The following DENND1A variants were observed in gnomAD, a reference collection of about 807,000 sequenced individuals.
The protein encoded by DENND1A is DENN domain containing 1A.
In DENND1A, 51 loss-of-function variants were observed where a neutral mutation model predicts 113.7. The ratio of observed to expected loss-of-function variants is 0.45; its 90% CI spans 0.36 to 0.57. The LOEUF is 0.57. DENND1A is among the 20% of genes least tolerant of loss of function. The pLI, the probability that DENND1A is intolerant of heterozygous loss-of-function variation, is 0.00. For missense variants in DENND1A, 1,258 were observed against 1,395.9 expected, an observed-to-expected ratio of 0.90 and a Z score of 1.57; for synonymous variants, 565 against 570.8, an observed-to-expected ratio of 0.99 and a Z score of 0.14.
chr9:123,509,459 A>G (rs531386810), intron 13 of DENND1A, among the ~76,000 whole-genome samples: 3 of 152,344 alleles, frequency 2.0e-5, no homozygotes, highest in African/African-American at 7.2e-5. Flanking sequence ...ATTAGGGGTC[A>G]CGTAGCATAG....
intron 12 of DENND1A, among the ~76,000 whole-genome samples, chr9:123,570,990 G>T (rs1467802984): frequency 6.6e-6 from 1 of 152,126 alleles, no homozygotes; most frequent in East Asian, 1.9e-4. Flanking sequence ...CATAGCTAGG[G>T]AACAATGCAA....
At chr9:123,785,045 C>T (rs1046319249) in intron 3 of DENND1A, among the ~76,000 whole-genome samples, 2 of 152,080 alleles carry the variant, frequency 1.3e-5, no homozygotes, top group Non-Finnish European at 2.9e-5. Flanking sequence ...TGAATAGTAC[C>T]TCTTATATAC....
chr9:123,636,175 T>C (rs946118334), intron 9 of DENND1A, among the ~76,000 whole-genome samples: 2 of 152,074 alleles, frequency 1.3e-5, no homozygotes, highest in African/African-American at 4.8e-5. Flanking sequence ...GGTCACCCCA[T>C]CTCCATCACC....
intron 10 of DENND1A, among the ~76,000 whole-genome samples, chr9:123,618,087 T>G (rs975586162): frequency 6.6e-6 from 1 of 152,194 alleles, no homozygotes; most frequent in Non-Finnish European, 1.5e-5. Context: ...GAACCCGCAC[T>G]TGCTGAGAGG....
At chr9:123,824,096 G>A (rs1040013556) in intron 2 of DENND1A, among the ~76,000 whole-genome samples, 1 of 152,002 alleles carries the variant, frequency 6.6e-6, no homozygotes, top group African/African-American at 2.4e-5. Context: ...GAATTATCAA[G>A]GTGATAATTC....
At chr9:123,576,121 T>G (rs967354993) in intron 12 of DENND1A, among the ~76,000 whole-genome samples, 9 of 152,228 alleles carry the variant, frequency 5.9e-5, no homozygotes, top group Non-Finnish European at 1.0e-4. Context: ...TTAGTGGCCC[T>G]TGTAAGGTTT....
chr9:123,454,533 T>A (rs1434077414), intron 16 of DENND1A, among the ~76,000 whole-genome samples: 1 of 152,198 alleles, frequency 6.6e-6, no homozygotes, highest in Non-Finnish European at 1.5e-5. Context: ...CTCATGCCTT[T>A]TTCAGCCCCC....
At chr9:123,769,949 G>A (rs775639211) in intron 3 of DENND1A, among the ~76,000 whole-genome samples, 2 of 152,074 alleles carry the variant, frequency 1.3e-5, no homozygotes, top group African/African-American at 2.4e-5. Flanking sequence ...GCTGTTGCTG[G>A]CACCGTTTTT....
chr9:123,783,427 C>G (rs1831617481), intron 3 of DENND1A, among the ~76,000 whole-genome samples: 1 of 152,134 alleles, frequency 6.6e-6, no homozygotes, highest in Admixed American at 6.5e-5. Context: ...ACCCTAACAC[C>G]TGACAAAGGC....
intron 19 of DENND1A, among the ~76,000 whole-genome samples, chr9:123,417,311 T>G (rs1470941555): frequency 6.6e-6 from 1 of 152,240 alleles, no homozygotes; most frequent in African/African-American, 2.4e-5. Context: ...ATCAGCAAGG[T>G]TCTGTTGAAG....
chr9:123,866,642 T>C (rs7043431), intron 2 of DENND1A, among the ~76,000 whole-genome samples: 12,764 of 152,306 alleles, frequency 0.084, 1,127 homozygotes, highest in African/African-American at 0.22. Context: ...AGGGTTTTTA[T>C]GTTTTTAATT....
Position 123,757,677 on chromosome 9 carries a change from C to G in DENND1A, c.302+26G>C, listed in dbSNP as rs10986101. 1,245 of 1,608,790 alleles carry G rather than the reference C, an allele frequency of 7.7e-4. 7 individuals are homozygous for G. In the African/African-American group the frequency reaches 0.015, roughly 19 times the overall value. On this transcript the variant is annotated intron_variant, in intron 5 of 23. Transcript: ENST00000394215. ...AGCTGACATTGCTTCAGAGAACAAG[C>G]CAACAGCCCAAGCCTTCTCCCTTAC...
intron 21 of DENND1A, chr9:123,401,696 G>C: frequency 1.3e-6 from 2 of 1,539,506 alleles, no homozygotes; most frequent in Non-Finnish European, 1.8e-6. Flanking sequence ...AACTAAAAGT[G>C]ATACTGACAC....
At chr9:123,888,956 CTGTGTGTGTGTGTGTGTGTGTGTGTG>C (rs58270598) in intron 1 of DENND1A, among the ~76,000 whole-genome samples, 4 of 131,102 alleles carry the variant, frequency 3.1e-5, no homozygotes, top group East Asian at 4.4e-4. Flanking sequence ...GTGCTTTAAA[CTGTGTGTGTGTGTGTGTGTGTGTGTG>C]TGTGTGTGTG....
chr9:123,772,578 A>C (rs1829900624), intron 3 of DENND1A, among the ~76,000 whole-genome samples: 1 of 152,188 alleles, frequency 6.6e-6, no homozygotes, highest in Non-Finnish European at 1.5e-5. Flanking sequence ...GGGATGCTGC[A>C]CAGCTGATGA....
intron 9 of DENND1A, among the ~76,000 whole-genome samples, chr9:123,641,184 C>T (rs2062007599): frequency 6.6e-6 from 1 of 152,190 alleles, no homozygotes; most frequent in African/African-American, 2.4e-5. Flanking sequence ...CTAGTAGGCG[C>T]TCAAAATTTC....
chr9:123,646,790 C>T lies in DENND1A; in HGVS notation c.618+5223G>A, dbSNP rs78288087. Among the ~76,000 whole-genome samples, 211 of 152,172 alleles carry T rather than the reference C, an allele frequency of 1.4e-3. 1 individual carries two copies. Among genetic ancestry groups the T allele is most frequent in the African/African-American group, 4.8e-3 (201 of 41,512 alleles). On this transcript the variant is annotated intron_variant, in intron 9 of 23. Transcript: ENST00000394215. ...CTGCCGTAATCCCCAGTGCCTATGGCAATGTCACGATAAATATTGCAGAAT... is the reference window on the plus strand; with the variant it reads ...CTGCCGTAATCCCCAGTGCCTATGGTAATGTCACGATAAATATTGCAGAAT...
chr9:123,441,706 C>T (rs2046945342), intron 18 of DENND1A, among the ~76,000 whole-genome samples: 1 of 152,176 alleles, frequency 6.6e-6, no homozygotes, highest in South Asian at 2.1e-4. Flanking sequence ...GCAGAGAATA[C>T]ATGTACAAAT....
chr9:123,905,868 C>A (rs919116522), intron 1 of DENND1A, among the ~76,000 whole-genome samples: 3 of 151,410 alleles, frequency 2.0e-5, no homozygotes, highest in African/African-American at 7.3e-5. Context: ...TAATAGACAT[C>A]TACAGAACTC....
Sources: gnomAD v4.1 joint callset for allele counts (sites outside exome capture counted in the v4.1 genomes callset) on GRCh38, gnomAD v4.1.1 for gene constraint, MANE v1.5 for transcripts, NCBI Gene and HGNC (gene_info 2026-07-23, HGNC 2026-07-21) for gene names.